Variants in AIG1 observed in about 807,000 individuals in gnomAD.
AIG1 encodes the protein androgen-induced gene 1 protein.
Under a neutral mutation model 31.4 loss-of-function variants are expected in AIG1, and 23 were observed. The ratio of observed to expected loss-of-function variants is 0.73; its 90% CI spans 0.53 to 1.04. AIG1 has a LOEUF of 1.04. AIG1 is among the 50% of genes least tolerant of loss of function. The pLI is 0.00. For synonymous variants in AIG1, 100 were observed against 110.5 expected, an observed-to-expected ratio of 0.90 and a Z score of 0.60; for missense variants, 274 against 295.0, an observed-to-expected ratio of 0.93 and a Z score of 0.52.
chr6:143,114,426 G>T (rs535060604), intron 1 of AIG1, among the ~76,000 whole-genome samples: 1 of 152,164 alleles, frequency 6.6e-6, no homozygotes, highest in South Asian at 2.1e-4. Flanking sequence ...GTTCTCAGAC[G>T]TATGAATGGA....
intron 3 of AIG1, among the ~76,000 whole-genome samples, chr6:143,223,476 A>AT (rs1158069266): frequency 4.6e-5 from 7 of 151,930 alleles, no homozygotes; most frequent in South Asian, 2.1e-4. Flanking sequence ...TAATGAATTA[A>AT]TTTTTTTTCA....
At chr6:143,060,628 G>T, upstream of AIG1, 1 of 457,118 alleles carries the variant, frequency 2.2e-6, no homozygotes, top group Non-Finnish European at 4.5e-6. Flanking sequence ...CCGGGACCCT[G>T]CGAACGCAGG....
intron 3 of AIG1, among the ~76,000 whole-genome samples, chr6:143,283,735 T>C (rs986829324): frequency 5.9e-5 from 9 of 152,232 alleles, no homozygotes; most frequent in Non-Finnish European, 1.2e-4. Context: ...CACAGTATGA[T>C]ATTAACTGTG....
chr6:143,154,972 T>C (rs770403514), intron 2 of AIG1, among the ~76,000 whole-genome samples: 7 of 151,776 alleles, frequency 4.6e-5, no homozygotes, highest in Non-Finnish European at 8.8e-5. Flanking sequence ...CTCAGCCTCC[T>C]GAATAGCTGA....
In AIG1 at chr6:143,333,559, T is replaced by G. The variant is rs1583904265; in HGVS notation, c.679+114T>G. 9.6e-7 allele frequency: 1 copy of G among 1,040,218 alleles called. No individual in the cohort carries two copies. Among genetic ancestry groups the G allele is most frequent in the Middle Eastern group, 2.1e-4 (1 of 4,652 alleles). 64.4% of individuals were successfully genotyped at this position (1,040,218 alleles called of 1,614,324 possible). On this transcript the variant is annotated intron_variant, in intron 5 of 5. Transcript: ENST00000357847. This position sits in a 1 kb window ranked among gnomAD's most constrained non-coding sequence, Gnocchi z 4.6. Reference sequence around the variant, plus strand: ...CTTCTTTTAGCCTTCACACAGGATCTCCTATAAAGAGCTCCATTTTTAAAA... The same window carrying G: ...CTTCTTTTAGCCTTCACACAGGATCGCCTATAAAGAGCTCCATTTTTAAAA...
At chr6:143,123,270 A>G (rs775073998) in intron 1 of AIG1, among the ~76,000 whole-genome samples, 1 of 152,182 alleles carries the variant, frequency 6.6e-6, no homozygotes, top group Non-Finnish European at 1.5e-5. Context: ...GTTGAAATAA[A>G]AACTCTACCC....
intron 3 of AIG1, among the ~76,000 whole-genome samples, chr6:143,230,404 A>G (rs1793354065): frequency 6.7e-6 from 1 of 150,154 alleles, no homozygotes; most frequent in South Asian, 2.1e-4. Flanking sequence ...AGTATAATAT[A>G]TTATAATTTA....
intron 1 of AIG1, among the ~76,000 whole-genome samples, chr6:143,095,353 G>A (rs944384611): frequency 1.3e-5 from 2 of 152,114 alleles, no homozygotes; most frequent in Non-Finnish European, 2.9e-5. Context: ...TGAATTGAAA[G>A]GTTAATTGTC....
chr6:143,181,293 G>A (rs1020270776), intron 3 of AIG1, among the ~76,000 whole-genome samples: 3 of 152,102 alleles, frequency 2.0e-5, no homozygotes, highest in African/African-American at 4.8e-5. Flanking sequence ...CTCTCTCTAG[G>A]ACTCTCAAAT....
At chr6:143,219,445 G>A (rs1013107423) in intron 3 of AIG1, among the ~76,000 whole-genome samples, 5 of 152,122 alleles carry the variant, frequency 3.3e-5, no homozygotes, top group African/African-American at 9.7e-5. Flanking sequence ...ACTCTTGCCC[G>A]GGTGACAGAT....
chr6:143,177,378 G>A (rs1270910791), intron 3 of AIG1, among the ~76,000 whole-genome samples: 1 of 152,032 alleles, frequency 6.6e-6, no homozygotes, highest in Non-Finnish European at 1.5e-5. Context: ...CATATTTCTT[G>A]TTTCCCTATG....
intron 4 of AIG1, among the ~76,000 whole-genome samples, chr6:143,302,817 A>T (rs1798927434): frequency 1.3e-5 from 2 of 152,140 alleles, no homozygotes; most frequent in South Asian, 4.1e-4. Context: ...TCCACAATGG[A>T]TGAACTAGTT....
chr6:143,264,893 C>T (rs1204133809), intron 3 of AIG1, among the ~76,000 whole-genome samples: 2 of 152,300 alleles, frequency 1.3e-5, no homozygotes, highest in East Asian at 3.9e-4. Context: ...TTTATGCCAC[C>T]CATGTTAACC....
intron 1 of AIG1, among the ~76,000 whole-genome samples, chr6:143,115,373 A>G (rs1781648132): frequency 6.6e-6 from 1 of 152,226 alleles, no homozygotes; most frequent in African/African-American, 2.4e-5. Flanking sequence ...TGTGGCAAAA[A>G]TAATAGAAGG....
chr6:143,227,230 CCAGT>C (rs1793052926), intron 3 of AIG1, among the ~76,000 whole-genome samples: 1 of 152,120 alleles, frequency 6.6e-6, no homozygotes, highest in Non-Finnish European at 1.5e-5. Flanking sequence ...TTACCTGTAG[CCAGT>C]CAGTCACCCT....
intron 3 of AIG1, among the ~76,000 whole-genome samples, chr6:143,273,667 C>T (rs761616454): frequency 1.1e-4 from 16 of 152,270 alleles, no homozygotes; most frequent in Non-Finnish European, 2.4e-4. Context: ...AGGCGAAAGG[C>T]ATGTCTTACA....
chr6:143,295,871 A>G (rs1798389715), intron 4 of AIG1, among the ~76,000 whole-genome samples: 2 of 152,162 alleles, frequency 1.3e-5, no homozygotes, highest in African/African-American at 4.8e-5. Flanking sequence ...ACTTCAAATT[A>G]TCTTAAAGAA....
chr6:143,105,428 T>C (rs1780714560), intron 1 of AIG1, among the ~76,000 whole-genome samples: 1 of 152,194 alleles, frequency 6.6e-6, no homozygotes, highest in Non-Finnish European at 1.5e-5. Context: ...GTAATGATAA[T>C]ATTGCTCACA....
In AIG1 at chr6:143,293,080, G is replaced by A. The variant is rs1310160384; in HGVS notation, c.515+8855G>A. The stretch of plus-strand genomic sequence containing the variant: ...GAAAGAATGCCTGCCTCACAGAGTT[G>A]TGAGGATTAATGAGCCCATAGGGAT... On this transcript the variant is annotated intron_variant, in intron 4 of 5. Transcript: ENST00000357847. The surrounding 1 kb of genome is among the most constrained non-coding windows in gnomAD (Gnocchi z 4.8). Among the ~76,000 whole-genome samples the A allele has an allele frequency of 6.6e-6, 1 of 152,158 alleles. No individual in the cohort carries two copies. The highest frequency in any genetic ancestry group is 1.5e-5 in the Non-Finnish European group (1 of 68,034).
Sources: allele counts gnomAD v4.1 joint callset (sites outside exome capture counted in the v4.1 genomes callset), GRCh38; gene constraint gnomAD v4.1.1; non-coding constraint Gnocchi (gnomAD v3.1); transcripts MANE v1.5; gene names NCBI Gene and HGNC (gene_info 2026-07-23, HGNC 2026-07-21).